ACRBP: variants seen among roughly 807,000 people sequenced by gnomAD.
ACRBP encodes the protein acrosin binding protein.
Under a neutral mutation model 69.0 loss-of-function variants are expected in ACRBP, and 52 were observed. The ratio of observed to expected loss-of-function variants is 0.75; its 90% CI spans 0.60 to 0.95. ACRBP has a LOEUF of 0.95. Ranked by LOEUF, ACRBP falls within the 40% of genes least tolerant of loss-of-function variation. The pLI is 0.00. For synonymous variants in ACRBP, 267 were observed against 258.9 expected, an observed-to-expected ratio of 1.03 and a Z score of -0.30; for missense variants, 604 against 673.0, an observed-to-expected ratio of 0.90 and a Z score of 1.13.
At position 6,640,848 on chromosome 12, in the gene ACRBP, G is replaced by C. The variant is rs754985628; in HGVS notation, c.1078-326C>G. ...GTGCCTGACAGATGTCTGTGATTGG[G>C]TGATCTTACAGATACCCCAACTTAG... On this transcript the variant is annotated intron_variant, in intron 6 of 9. Transcript: ENST00000229243. The surrounding 1 kb of genome is among the most constrained non-coding windows in gnomAD (Gnocchi z 5.3). 2.0e-5 allele frequency among the ~76,000 whole-genome samples: 3 copies of C among 152,210 alleles called. No individual in the cohort carries two copies. Among genetic ancestry groups the C allele is most frequent in the Non-Finnish European group, 2.9e-5 (2 of 67,998 alleles).
In ACRBP at chr12:6,639,912, GGA is replaced by G; in HGVS notation, c.1425+146_1425+147del. On this transcript the variant is annotated intron_variant, in intron 8 of 9. Coordinates refer to ENST00000229243, the MANE Select transcript of ACRBP (RefSeq NM_032489.3). ...GTGGGGTGGGGTGCAATGGTCTCTT[GGA>G]GAGAGGCAGGAGATTCAGTGAGGAC... is the stretch of plus-strand genomic sequence containing the variant. The G allele has an allele frequency of 7.3e-6, 7 of 958,808 alleles. 1 individual carries two copies. In the South Asian group the frequency reaches 1.2e-4, roughly 17 times the overall value. The allele number at this position is 958,808 out of a possible 1,614,324, so 59.4% of individuals were successfully genotyped here. A position where few individuals can be genotyped will look rare whatever the true frequency, so the allele number is the denominator to read the frequency against.
At position 6,639,062 on chromosome 12, in the gene ACRBP, AAG is replaced by A. The variant is rs760123504; in HGVS notation, c.1426-27_1426-26del. The A allele has an allele frequency of 3.7e-6, 6 of 1,602,616 alleles. No individual in the cohort carries two copies. The East Asian group carries it at 1.3e-4, about 36-fold the overall frequency. On this transcript the variant is annotated intron_variant, in intron 8 of 9. Coordinates refer to ENST00000229243, the MANE Select transcript of ACRBP (RefSeq NM_032489.3). The stretch of plus-strand genomic sequence containing the variant: ...TCTAAGCCAAGAGCCAGAGAGAGGG[AAG>A]AGGGTATCAGAAGCCTCACCAGGCA...
At chr12:6,638,906 T>G in intron 9 of ACRBP, 48 bp downstream of exon 9, 1 of 1,604,834 alleles carries the variant, frequency 6.2e-7, no homozygotes, top group Non-Finnish European at 8.5e-7. Flanking sequence ...TTATGGTGAC[T>G]GATTGAGGGG....
intron 3 of ACRBP, among the ~76,000 whole-genome samples, chr12:6,645,740 A>C (rs546125908): frequency 6.7e-6 from 1 of 149,384 alleles, no homozygotes; most frequent in South Asian, 2.1e-4. Context: ...GGCTCACTGC[A>C]AGCCCCACCT....
At chr12:6,647,117 A>AT (rs1949096094) in intron 1 of ACRBP, 105 bp from the exon 2 acceptor site, 1 of 1,169,092 alleles carries the variant, frequency 8.6e-7, no homozygotes, top group East Asian at 2.5e-5. Flanking sequence ...GGTGAGGGTT[A>AT]TCCCTGCTGA....
intron 6 of ACRBP, 67 bp downstream of exon 6, chr12:6,643,472 C>A (rs1949067119): frequency 6.3e-7 from 1 of 1,597,200 alleles, no homozygotes; most frequent in East Asian, 2.2e-5. Flanking sequence ...CTCCCATAGC[C>A]TAGCACAGTG....
chr12:6,647,423 C>G lies in ACRBP; in HGVS notation c.-57G>C, dbSNP rs888634265. ...CACAAGCCGCCTCTAACGGGCCAAG[C>G]CGCAGAGAGAGCCGCAGGCGCGGGG... On this transcript the variant is annotated 5_prime_UTR_variant, in exon 1 of 10. Coordinates refer to ENST00000229243, the MANE Select transcript of ACRBP (RefSeq NM_032489.3). 4.1e-6 allele frequency: 6 copies of G among 1,463,662 alleles called. No homozygotes were observed. In the African/African-American group the frequency reaches 7.2e-5, roughly 18 times the overall value. The allele number at this position is 1,463,662 out of a possible 1,614,324, so 90.7% of individuals were successfully genotyped here. A position where few individuals can be genotyped will look rare whatever the true frequency, so the allele number is the denominator to read the frequency against.
At position 6,646,937 on chromosome 12, in the gene ACRBP, GGAGA is replaced by G; in HGVS notation, c.115_118del (p.Ser39LeufsTer11). 6.2e-7 allele frequency: 1 copy of G among 1,613,854 alleles called. No individual in the cohort carries two copies. The highest frequency in any genetic ancestry group is 1.1e-5 in the South Asian group (1 of 91,078). ...TGCGAAGAAGCGTTCGTATTCGGTA[GGAGA>G]GAGAGGGCTGCCTGGAGTGGAGGCC... On this transcript the variant is annotated frameshift_variant, in exon 2 of 10. Transcript: ENST00000229243. LOFTEE classifies it high-confidence loss of function.
chr12:6,646,392 G>C lies in ACRBP; in HGVS notation c.357+91C>G, dbSNP rs551979311. ...TGGCAGGGAAGGAGGAGCTAAGGAT[G>C]ACTCTCCTGGAACCCTTCCTCAACT... is the stretch of plus-strand genomic sequence containing the variant. On this transcript the variant is annotated intron_variant, in intron 3 of 9. Coordinates refer to ENST00000229243, the MANE Select transcript of ACRBP (RefSeq NM_032489.3). The C allele has an allele frequency of 8.7e-5, 101 of 1,158,728 alleles. No homozygotes were observed. The East Asian group carries it at 2.2e-3, about 25-fold the overall frequency. The allele number at this position is 1,158,728 out of a possible 1,614,324, so 71.8% of individuals were successfully genotyped here. A position where few individuals can be genotyped will look rare whatever the true frequency, so the allele number is the denominator to read the frequency against.
At chr12:6,645,666 G>GTT (rs3054294) in intron 3 of ACRBP, among the ~76,000 whole-genome samples, 111,908 of 142,682 alleles carry the variant, frequency 0.78, 46,181 homozygotes, top group Non-Finnish European at 0.92. Context: ...TGTTTTTTTT[G>GTT]TTTTTTTTTT....
At chr12:6,638,561 G>C (rs2136248101) in intron 9 of ACRBP, 157 bp from the exon 10 acceptor site, 1 of 1,253,708 alleles carries the variant, frequency 8.0e-7, no homozygotes, top group South Asian at 1.3e-5. Context: ...GGTTTTTAAA[G>C]CCAGAGGAGA....
chr12:6,638,781 CAGGACTGG>C, intron 9 of ACRBP, 165 bp downstream of exon 9: 2 of 1,455,496 alleles, frequency 1.4e-6, no homozygotes, highest in Non-Finnish European at 1.8e-6. Flanking sequence ...TTGCTTCCGC[CAGGACTGG>C]AGGAATGGAG....
chr12:6,646,555 A>G lies in ACRBP; in HGVS notation c.285T>C (p.Pro95=), dbSNP rs767252475. 1 of 1,614,104 alleles carries G rather than the reference A, an allele frequency of 6.2e-7. No individual in the cohort carries two copies. Among genetic ancestry groups the G allele is most frequent in the East Asian group, 2.2e-5 (1 of 44,880 alleles). ...AGAAAGACTCAAACCAGGAGGCATA[A>G]GGGAGGTTGGAGCAGACAGCACCTG... ...VPDGAVCSNL[P]YASWFESFCQ... The change falls in exon 3 of 10, where the codon CCT becomes CCC. Residue 95 remains proline (P), a synonymous_variant. Coordinates refer to ENST00000229243, the MANE Select transcript of ACRBP (RefSeq NM_032489.3).
chr12:6,644,916 T>G (rs1259951551), intron 4 of ACRBP, among the ~76,000 whole-genome samples: 2 of 152,168 alleles, frequency 1.3e-5, no homozygotes, highest in Non-Finnish European at 2.9e-5. Context: ...CAGTCAATCC[T>G]TTCTAAAGTG....
Position 6,646,933 on chromosome 12 carries a change from G to A in ACRBP, c.123C>T (p.Thr41=), listed in dbSNP as rs753243999. ...ASTPGSPLSP[T]EYERFFALLT... ...GCAGTGCGAAGAAGCGTTCGTATTC[G>A]GTAGGAGAGAGAGGGCTGCCTGGAG... The change falls in exon 2 of 10, where the codon ACC becomes ACT. Residue 41 remains threonine (T), a synonymous_variant. Coordinates refer to ENST00000229243, the MANE Select transcript of ACRBP (RefSeq NM_032489.3). 9 of 1,613,968 alleles carry A rather than the reference G, an allele frequency of 5.6e-6. No homozygotes were observed. Among genetic ancestry groups the A allele is most frequent in the Non-Finnish European group, 7.6e-6 (9 of 1,180,036 alleles).
chr12:6,643,637 C>A lies in ACRBP; in HGVS notation c.979G>T (p.Val327Leu). The A allele has an allele frequency of 6.2e-7, 1 of 1,614,210 alleles. No individual in the cohort carries two copies. Among genetic ancestry groups the A allele is most frequent in the South Asian group, 1.1e-5 (1 of 91,088 alleles). The change falls in exon 6 of 10, where the codon GTG (valine) becomes TTG (leucine). Residue 327 changes from valine to leucine, a missense_variant. Val to Leu is a conservative substitution (Grantham distance 32, BLOSUM62 1). Coordinates refer to ENST00000229243, the MANE Select transcript of ACRBP (RefSeq NM_032489.3). ...LQLPHTEALL[V>L]LCYSIVENTC... is the part of the protein sequence containing the mutation. ...TTCTCCACGATCGAATAGCACAGCA[C>A]CAGCAAGGCCTCTGTGTGGGGCAGC...
chr12:6,639,979 A>T (rs1396738883), intron 8 of ACRBP, 81 bp downstream of exon 8: 18 of 1,525,938 alleles, frequency 1.2e-5, no homozygotes, highest in Non-Finnish European at 1.6e-5. Flanking sequence ...CCTTCCACAA[A>T]CTAGCGCTAC....
At position 6,646,968 on chromosome 12, in the gene ACRBP, G is replaced by T; in HGVS notation, c.88C>A (p.Gln30Lys). 1 of 1,612,894 alleles carries T rather than the reference G, an allele frequency of 6.2e-7. No individual in the cohort carries two copies. ...AGAGGGCTGCCTGGAGTGGAGGCCT[G>T]AGTCGAATCCTGGGCTGCGGCAGGT... ...LAPAAAQDST[Q>K]ASTPGSPLSP... Residue 30 changes from glutamine to lysine, a missense_variant, in exon 2 of 10, where the codon CAG (glutamine) becomes AAG (lysine). By Grantham distance (53) the Gln-to-Lys change is moderately conservative (BLOSUM62 1). Coordinates refer to ENST00000229243, the MANE Select transcript of ACRBP (RefSeq NM_032489.3).
In ACRBP at chr12:6,638,268, G is replaced by T; in HGVS notation, c.*14C>A. On this transcript the variant is annotated 3_prime_UTR_variant, in exon 10 of 10. Coordinates refer to ENST00000229243, the MANE Select transcript of ACRBP (RefSeq NM_032489.3). ...GGCAGGTTGGGCTGGGGTGTGGGCAGAATAGACGCCAGCTCATCCGAACTG... is the reference window on the plus strand; with the variant it reads ...GGCAGGTTGGGCTGGGGTGTGGGCATAATAGACGCCAGCTCATCCGAACTG... 2 of 1,613,718 alleles carry T rather than the reference G, an allele frequency of 1.2e-6. No individual in the cohort carries two copies. The highest frequency in any genetic ancestry group is 1.7e-6 in the Non-Finnish European group (2 of 1,179,718).
Sources: gnomAD v4.1 joint callset for allele counts (sites outside exome capture counted in the v4.1 genomes callset) on GRCh38, gnomAD v4.1.1 for gene constraint, Gnocchi (gnomAD v3.1) non-coding constraint, MANE v1.5 for transcripts, NCBI Gene and HGNC (gene_info 2026-07-23, HGNC 2026-07-21) for gene names.